GTPBP4: variants seen among roughly 807,000 people sequenced by gnomAD.
The protein encoded by GTPBP4 is GTP binding protein 4, also known as GTP-binding protein 4.
Under a neutral mutation model 81.7 loss-of-function variants are expected in GTPBP4, and 15 were observed. That is an observed-to-expected ratio of 0.18 (90% CI 0.12 to 0.28). The LOEUF (loss-of-function observed/expected upper bound fraction) is 0.28, where lower values mean the gene tolerates loss of function less well. Among genes scored for constraint, GTPBP4 ranks in the 10% least tolerant of loss-of-function variants. The pLI is 1.00. For synonymous variants in GTPBP4, 272 were observed against 274.6 expected, an observed-to-expected ratio of 0.99 and a Z score of 0.09; for missense variants, 847 against 793.8, an observed-to-expected ratio of 1.07 and a Z score of -0.81.
chr10:992,463 T>A (rs1164516598), intron 1 of GTPBP4, 26 bp from the exon 2 acceptor site: 1 of 1,449,698 alleles, frequency 6.9e-7, no homozygotes, highest in Non-Finnish European at 9.6e-7. Flanking sequence ...TTTGATGTAA[T>A]TATGTTTTAT....
rs560189765 is a variant in GTPBP4, at chr10:994,499, G to A, written c.220-1430G>A. On this transcript the variant is annotated intron_variant, in intron 2 of 16. Transcript: ENST00000360803. The stretch of plus-strand genomic sequence containing the variant: ...TTGGCCAGGCTGGTCTCGAACTCCT[G>A]ACCTCAGGTGATCCGCCTGCCTTGG... 2.6e-5 allele frequency among the ~76,000 whole-genome samples: 4 copies of A among 152,170 alleles called. No individual in the cohort carries two copies. In the South Asian group the frequency reaches 8.3e-4, roughly 32 times the overall value.
In GTPBP4 at chr10:1,006,697, C is replaced by T. The variant is rs529448930; in HGVS notation, c.1003-321C>T. 1.1e-4 allele frequency among the ~76,000 whole-genome samples: 17 copies of T among 152,012 alleles called. No homozygotes were observed. In the South Asian group the frequency reaches 1.9e-3, roughly 17 times the overall value. On this transcript the variant is annotated intron_variant, in intron 9 of 16. Coordinates refer to ENST00000360803, the MANE Select transcript of GTPBP4 (RefSeq NM_012341.3). ...GCACTCAGGATTTAAAAAGATGGCA[C>T]TCCTGATGCCATGGTCGCACTCAGG...
intron 9 of GTPBP4, among the ~76,000 whole-genome samples, chr10:1,006,568 G>T (rs1313539181): frequency 6.6e-6 from 1 of 152,206 alleles, no homozygotes; most frequent in Non-Finnish European, 1.5e-5. Context: ...AACCTGGGAG[G>T]CGGAGGTTGC....
At chr10:1,013,343 C>G (rs1165361558) in intron 14 of GTPBP4, among the ~76,000 whole-genome samples, 2 of 150,912 alleles carry the variant, frequency 1.3e-5, no homozygotes, top group East Asian at 2.0e-4. Context: ...GGCGCAGTGG[C>G]TCACGCCTGT....
Position 1,001,023 on chromosome 10 carries a change from G to C in GTPBP4, c.912+10G>C. The C allele has an allele frequency of 6.4e-7, 1 of 1,572,058 alleles. No individual in the cohort carries two copies. On this transcript the variant is annotated intron_variant, in intron 8 of 16. Transcript: ENST00000360803. ...TTCTGAAGATGATCAGGTAAATCAC[G>C]TTAATATTTTGAATATTTCTTACTT...
At chr10:1,011,059 A>ACATCT (rs1831857278) in intron 13 of GTPBP4, among the ~76,000 whole-genome samples, 1 of 75,070 alleles carries the variant, frequency 1.3e-5, no homozygotes, top group Non-Finnish European at 2.5e-5. Flanking sequence ...TGGGCCCTTC[A>ACATCT]TTCTCCTGCA....
intron 1 of GTPBP4, among the ~76,000 whole-genome samples, chr10:991,534 T>G (rs1482925710): frequency 6.6e-6 from 1 of 152,222 alleles, no homozygotes; most frequent in Non-Finnish European, 1.5e-5. Context: ...TTATGTACTT[T>G]CAAAGTCAAG....
chr10:992,448 A>G (rs755595400), intron 1 of GTPBP4, 41 bp from the exon 2 acceptor site: 8 of 1,204,150 alleles, frequency 6.6e-6, no homozygotes, highest in Non-Finnish European at 9.7e-6. Context: ...TCAAAAGTAG[A>G]CCCTTTTGAT....
chr10:1,013,845 C>T (rs771038480), intron 14 of GTPBP4, among the ~76,000 whole-genome samples: 15 of 152,104 alleles, frequency 9.9e-5, no homozygotes, highest in Admixed American at 1.3e-4. Flanking sequence ...CTGGTTATGG[C>T]GGACTTGGAC....
intron 14 of GTPBP4, among the ~76,000 whole-genome samples, chr10:1,013,716 G>A (rs1487442855): frequency 6.6e-6 from 1 of 152,210 alleles, no homozygotes; most frequent in Non-Finnish European, 1.5e-5. Flanking sequence ...GTGGGACTGG[G>A]GGAAGAAAGC....
intron 2 of GTPBP4, among the ~76,000 whole-genome samples, chr10:994,329 C>T (rs577439781): frequency 1.3e-5 from 2 of 152,084 alleles, no homozygotes; most frequent in Non-Finnish European, 2.9e-5. Flanking sequence ...AGTAAAATGG[C>T]GTGATCTCAG....
intron 9 of GTPBP4, among the ~76,000 whole-genome samples, chr10:1,006,426 G>C (rs1423722363): frequency 1.3e-5 from 2 of 152,108 alleles, no homozygotes; most frequent in Admixed American, 1.3e-4. Context: ...ATCACCCAAG[G>C]TCGGGAGTTC....
At position 1,019,419 on chromosome 10, in the gene GTPBP4, C is replaced by CT. The variant is rs1409471770; in HGVS notation, c.*2196dup. ...ATACATGATGGGCAATCAAGTGCCC[C>CT]TTTTGCCCTGTTTTTTGGAGAGGGT... On this transcript the variant is annotated 3_prime_UTR_variant, in exon 17 of 17. Coordinates refer to ENST00000360803, the MANE Select transcript of GTPBP4 (RefSeq NM_012341.3). The CT allele has an allele frequency of 1.1e-6, 1 of 917,580 alleles. No homozygotes were observed. Among genetic ancestry groups the CT allele is most frequent in the Admixed American group, 2.8e-5 (1 of 35,582 alleles). 56.8% of individuals were successfully genotyped at this position (917,580 alleles called of 1,614,324 possible). A position where few individuals can be genotyped will look rare whatever the true frequency, so the allele number is the denominator to read the frequency against.
In GTPBP4 at chr10:1,005,885, G is replaced by A; in HGVS notation, c.980G>A (p.Gly327Asp). 4.4e-6 allele frequency: 7 copies of A among 1,583,524 alleles called. No individual in the cohort carries two copies. The highest frequency in any genetic ancestry group is 4.5e-5 in the East Asian group (2 of 44,532). ...GAGACCAGCACCCTGACTGAGGAAG[G>A]TGTTATTAAAGTTAAAACAGAGGTC... ...VIETSTLTEE[G>D]VIKVKTEACD... is the part of the protein sequence containing the mutation. The change falls in exon 9 of 17, where the codon GGT (glycine) becomes GAT (aspartate). Residue 327 changes from glycine (G) to aspartate (D), a missense_variant. Physicochemically the swap from Gly to Asp is moderately conservative, Grantham distance 94. Coordinates refer to ENST00000360803, the MANE Select transcript of GTPBP4 (RefSeq NM_012341.3).
chr10:1,012,252 C>G (rs998200479), intron 13 of GTPBP4: 8 of 398,356 alleles, frequency 2.0e-5, no homozygotes, highest in Non-Finnish European at 3.3e-5. Flanking sequence ...TACTGACTTG[C>G]TGGCGGCTGG....
chr10:1,002,678 G>A (rs1278932259), intron 8 of GTPBP4, among the ~76,000 whole-genome samples: 1 of 152,158 alleles, frequency 6.6e-6, no homozygotes, highest in East Asian at 1.9e-4. Context: ...TTTGCTGGAT[G>A]TAATATAGTT....
intron 2 of GTPBP4, among the ~76,000 whole-genome samples, chr10:993,103 TC>T (rs1315222470): frequency 3.9e-5 from 6 of 152,120 alleles, no homozygotes; most frequent in Non-Finnish European, 5.9e-5. Flanking sequence ...CTGTTTGTGA[TC>T]TTGTTGCTTC....
intron 2 of GTPBP4, among the ~76,000 whole-genome samples, chr10:993,160 G>T (rs1831476310): frequency 6.6e-6 from 1 of 152,090 alleles, no homozygotes; most frequent in Admixed American, 6.6e-5. Flanking sequence ...TTCTTCTTTG[G>T]CAAGGAGAGA....
chr10:1,007,031 T>G lies in GTPBP4; in HGVS notation c.1016T>G (p.Leu339Arg), dbSNP rs1831752109. The G allele has an allele frequency of 1.2e-6, 2 of 1,608,306 alleles. No individual in the cohort carries two copies. Among genetic ancestry groups the G allele is most frequent in the Non-Finnish European group, 1.7e-6 (2 of 1,174,688 alleles). Residue 339 changes from leucine (L) to arginine (R), a missense_variant, in exon 10 of 17, where the codon CTT (leucine) becomes CGT (arginine). This residue lies in a region of GTPBP4 where 600 missense variants were observed against 557.1 expected (regional missense o/e 1.08). Coordinates refer to ENST00000360803, the MANE Select transcript of GTPBP4 (RefSeq NM_012341.3). ...IKVKTEACDR[L>R]LAHRVETKMK... ...TTACGTTATTAGGCTTGCGATAGGCTTTTGGCTCATCGAGTGGAAACCAAA... is the reference window on the plus strand; with the variant it reads ...TTACGTTATTAGGCTTGCGATAGGCGTTTGGCTCATCGAGTGGAAACCAAA...
Sources: gnomAD v4.1 joint callset for allele counts (sites outside exome capture counted in the v4.1 genomes callset) on GRCh38, gnomAD v4.1.1 for gene constraint, gnomAD v4.1.1 regional missense constraint, MANE v1.5 for transcripts, NCBI Gene and HGNC (gene_info 2026-07-23, HGNC 2026-07-21) for gene names.